The following GSTT4 variants were observed in gnomAD, a reference collection of about 807,000 sequenced individuals.
The protein encoded by GSTT4 is glutathione S-transferase theta-4.
chr22:23,994,737 A>G (rs1166382518), downstream of GSTT4, among the ~76,000 whole-genome samples: 1 of 151,834 alleles, frequency 6.6e-6, no homozygotes, highest in African/African-American at 2.4e-5. Flanking sequence ...ATTTTTGCCT[A>G]TTTTGTTCAC....
chr22:23,990,128 A>AG, the GSTT4 span, among the ~76,000 whole-genome samples: 1 of 147,484 alleles, frequency 6.8e-6, no homozygotes, highest in Non-Finnish European at 1.5e-5. Flanking sequence ...TCTGTATGCC[A>AG]GCCAGACCAG....
At chr22:23,995,371 T>C (rs2034106464), downstream of GSTT4, among the ~76,000 whole-genome samples, 1 of 152,174 alleles carries the variant, frequency 6.6e-6, no homozygotes, top group African/African-American at 2.4e-5. Flanking sequence ...CCCAGTAGCG[T>C]ACACTTCCTT....
the GSTT4 span, among the ~76,000 whole-genome samples, chr22:23,991,873 T>G: frequency 7.9e-6 from 1 of 127,386 alleles, no homozygotes; most frequent in Non-Finnish European, 1.7e-5. Flanking sequence ...GCTAAAACGG[T>G]GAAACCCGTC....
At chr22:23,995,933 C>A (rs1434097603), downstream of GSTT4, among the ~76,000 whole-genome samples, 1 of 151,996 alleles carries the variant, frequency 6.6e-6, no homozygotes, top group Non-Finnish European at 1.5e-5. Flanking sequence ...TTGTACCCTG[C>A]AACCTTGCTG....
chr22:23,994,745 C>A (rs1462366270), downstream of GSTT4, among the ~76,000 whole-genome samples: 1 of 152,002 alleles, frequency 6.6e-6, no homozygotes. Flanking sequence ...CTATTTTGTT[C>A]ACTACTGCTT....
At chr22:23,997,057 T>C (rs2034123548), downstream of GSTT4, among the ~76,000 whole-genome samples, 1 of 152,052 alleles carries the variant, frequency 6.6e-6, no homozygotes. Context: ...TAAGTCAGTT[T>C]TGGTAGATTG....
intron 2 of GSTT4, among the ~76,000 whole-genome samples, chr22:24,002,364 G>T (rs1476523936): frequency 6.6e-6 from 1 of 152,280 alleles, no homozygotes; most frequent in Non-Finnish European, 1.5e-5. Flanking sequence ...GGGGAGACAT[G>T]CTTCGGAGGG....
downstream of GSTT4, among the ~76,000 whole-genome samples, chr22:23,997,065 T>A (rs552618766): frequency 6.6e-6 from 1 of 152,066 alleles, no homozygotes; most frequent in African/African-American, 2.4e-5. Context: ...TTTTGGTAGA[T>A]TGTGTGTTTC....
At chr22:24,001,511 C>T (rs973991033) in intron 2 of GSTT4, among the ~76,000 whole-genome samples, 186 bp from the exon 3 acceptor site, 7,736 of 150,906 alleles carry the variant, frequency 0.051, 8 homozygotes, top group African/African-American at 0.18. Flanking sequence ...AGGAGCCCTG[C>T]GGGGTGAGTA....
chr22:24,000,646 A>AACAC (rs2034209636), intron 3 of GSTT4, among the ~76,000 whole-genome samples: 1 of 141,882 alleles, frequency 7.0e-6, no homozygotes, highest in African/African-American at 3.0e-5. Flanking sequence ...GCCAACTCCA[A>AACAC]CTCCTGGGTT....
At chr22:23,990,825 C>T in the GSTT4 span, among the ~76,000 whole-genome samples, 78 of 94,984 alleles carry the variant, frequency 8.2e-4, 15 homozygotes, top group African/African-American at 2.5e-3. Context: ...CTCTCTAAAC[C>T]TGTATTTTGA....
chr22:24,002,029 G>C (rs1164911237), intron 2 of GSTT4, among the ~76,000 whole-genome samples: 1 of 152,346 alleles, frequency 6.6e-6, no homozygotes, highest in Middle Eastern at 3.4e-3. Flanking sequence ...GAAATACGAG[G>C]GTAAAGGGAG....
the GSTT4 span, among the ~76,000 whole-genome samples, chr22:23,992,557 G>A: frequency 2.0e-5 from 3 of 151,296 alleles, no homozygotes; most frequent in East Asian, 5.9e-4. Context: ...GAAGGGCCAT[G>A]CACTTGGTTT....
chr22:24,002,616 G>C (rs2034257429), intron 2 of GSTT4, among the ~76,000 whole-genome samples: 1 of 47,630 alleles, frequency 2.1e-5, no homozygotes, highest in Non-Finnish European at 5.8e-5. Flanking sequence ...GGATCATGGG[G>C]TCAGGAGATC....
chr22:24,003,136 G>A (rs1428961957), intron 2 of GSTT4, among the ~76,000 whole-genome samples: 1 of 145,130 alleles, frequency 6.9e-6, no homozygotes, highest in Admixed American at 7.0e-5. Context: ...CACCCAGCCT[G>A]TTGCTTTTTT....
At chr22:23,990,985 A>G in the GSTT4 span, among the ~76,000 whole-genome samples, 2 of 100,190 alleles carry the variant, frequency 2.0e-5, 1 homozygote, top group African/African-American at 6.2e-5. Context: ...AGCCTCGGAA[A>G]CACAGCAAGA....
chr22:23,990,464 A>AAAAAAAGG, the GSTT4 span, among the ~76,000 whole-genome samples: 15 of 93,456 alleles, frequency 1.6e-4, no homozygotes, highest in African/African-American at 2.6e-4. Context: ...AAAAAAAAAA[A>AAAAAAAGG]AAAAAAAAGT....
chr22:23,997,030 A>T (rs1348637580), downstream of GSTT4, among the ~76,000 whole-genome samples: 2 of 151,958 alleles, frequency 1.3e-5, no homozygotes, highest in Admixed American at 6.6e-5. Flanking sequence ...GGCCTATTAA[A>T]ATTTTATCTT....
the GSTT4 span, among the ~76,000 whole-genome samples, chr22:23,993,169 CAT>C: frequency 7.1e-6 from 1 of 139,890 alleles, no homozygotes; most frequent in African/African-American, 2.6e-5. Flanking sequence ...CCATTGAAGA[CAT>C]ATGTGGCCTA....
Sources: allele counts gnomAD v4.1 joint callset (sites outside exome capture counted in the v4.1 genomes callset), GRCh38; gene constraint gnomAD v4.1.1; transcripts MANE v1.5; gene names NCBI Gene and HGNC (gene_info 2026-07-23, HGNC 2026-07-21).